Variants in TSC22D1 observed in about 807,000 individuals in gnomAD.
TSC22D1 encodes TSC22 domain family member 1.
A neutral mutation model predicts 74.2 loss-of-function variants in TSC22D1; 9 were observed. The ratio of observed to expected loss-of-function variants is 0.12; its 90% CI spans 0.07 to 0.21. The LOEUF (loss-of-function observed/expected upper bound fraction) is 0.21, where lower values mean the gene tolerates loss of function less well. TSC22D1 is among the 10% of genes least tolerant of loss of function. The pLI is 1.00. For missense variants in TSC22D1, 1,427 were observed against 1,304.7 expected, an observed-to-expected ratio of 1.09 and a Z score of -1.44; for synonymous variants, 586 against 492.5, an observed-to-expected ratio of 1.19 and a Z score of -2.51.
rs1874252406 is a variant in TSC22D1, at chr13:44,433,718, A to T, written c.*908T>A. On this transcript the variant is annotated 3_prime_UTR_variant, in exon 3 of 3. Coordinates refer to ENST00000458659, the MANE Select transcript of TSC22D1 (RefSeq NM_183422.4). ...TTTTTCAAAGTATTCAACCAGCTCA[A>T]TTGAAAGACTTCAGTGAACAAGGAT... The T allele has an allele frequency of 6.5e-6, 3 of 459,088 alleles. No individual in the cohort carries two copies. 28.4% of individuals were successfully genotyped at this position (459,088 alleles called of 1,614,324 possible). A position where few individuals can be genotyped will look rare whatever the true frequency, so the allele number is the denominator to read the frequency against.
intron 1 of TSC22D1, among the ~76,000 whole-genome samples, chr13:44,462,799 A>C (rs1353779657): frequency 6.6e-6 from 1 of 152,150 alleles, no homozygotes; most frequent in African/African-American, 2.4e-5. Context: ...AAGTCATAAA[A>C]CTAGAGTACA....
At position 44,574,711 on chromosome 13, in the gene TSC22D1, G is replaced by A. The variant is rs201300327; in HGVS notation, c.1364C>T (p.Pro455Leu). ...CTCCCTTTCAGAAGTCACTTCTATCGGATTTTGCTTTACAGTCTCCACCAC... is the reference window on the plus strand; with the variant it reads ...CTCCCTTTCAGAAGTCACTTCTATCAGATTTTGCTTTACAGTCTCCACCAC... ...NKVVETVKQNPIEVTSEREST... is the reference protein window; with the variant it reads ...NKVVETVKQNLIEVTSEREST... The change falls in exon 1 of 3, where the codon CCG (proline) becomes CTG (leucine). Residue 455 changes from proline to leucine, a missense_variant. This residue lies in a region of TSC22D1 where 1,343 missense variants were observed against 1,191.5 expected (regional missense o/e 1.13). Coordinates refer to ENST00000458659, the MANE Select transcript of TSC22D1 (RefSeq NM_183422.4). 59 of 1,614,024 alleles carry A rather than the reference G, an allele frequency of 3.7e-5. No homozygotes were observed. The East Asian group carries it at 9.6e-4, about 26-fold the overall frequency.
rs942484033 is a variant in TSC22D1 at position 44,541,041 on chromosome 13, G to A, written c.2912+32122C>T. On this transcript the variant is annotated intron_variant, in intron 1 of 2. Transcript: ENST00000458659. ...TTTTGGGATAAAGTTTTTATGAAATGCTATCAAGTAATCTCCCTCTCATAC... is the reference window on the plus strand; with the variant it reads ...TTTTGGGATAAAGTTTTTATGAAATACTATCAAGTAATCTCCCTCTCATAC... Among the ~76,000 whole-genome samples the A allele has an allele frequency of 2.9e-4, 44 of 152,276 alleles. 1 individual carries two copies. Among genetic ancestry groups the A allele is most frequent in the African/African-American group, 1.1e-3 (44 of 41,570 alleles).
At chr13:44,435,979 C>T in intron 2 of TSC22D1, 65 bp downstream of exon 2, 1 of 1,498,186 alleles carries the variant, frequency 6.7e-7, no homozygotes. Context: ...GCACTGGTTC[C>T]ACAAAACATC....
intron 1 of TSC22D1, among the ~76,000 whole-genome samples, chr13:44,447,451 T>G (rs1875773058): frequency 6.6e-6 from 1 of 152,198 alleles, no homozygotes; most frequent in African/African-American, 2.4e-5. Context: ...TTACTAGGCT[T>G]GAATTTTTTA....
chr13:44,446,727 C>G lies in TSC22D1; in HGVS notation c.2913-10632G>C, dbSNP rs1875670673. Among the ~76,000 whole-genome samples, 4 of 132,300 alleles carry G rather than the reference C, an allele frequency of 3.0e-5. No individual in the cohort carries two copies. The South Asian group carries it at 9.5e-4, about 31-fold the overall frequency. The allele number at this position is 132,300 out of a possible 152,430, so 86.8% of individuals were successfully genotyped here. A position where few individuals can be genotyped will look rare whatever the true frequency, so the allele number is the denominator to read the frequency against. ...TGAAAAGATGACTGCCCCTAAATAG[C>G]AGACTGGGAAGAATGAAAAAAAAAA... On this transcript the variant is annotated intron_variant, in intron 1 of 2. Transcript: ENST00000458659.
chr13:44,541,928 ATTAT>A (rs1472758529), intron 1 of TSC22D1, among the ~76,000 whole-genome samples: 2 of 152,144 alleles, frequency 1.3e-5, no homozygotes, highest in Non-Finnish European at 2.9e-5. Flanking sequence ...TGCTTTAAAA[ATTAT>A]TTATTAAACA....
At chr13:44,539,041 C>T (rs1881311778) in intron 1 of TSC22D1, 1 of 985,320 alleles carries the variant, frequency 1.0e-6, no homozygotes, top group Non-Finnish European at 1.2e-6. Flanking sequence ...GAATCAAATC[C>T]TACCCTTGGC....
At chr13:44,504,823 T>C (rs1419257864) in intron 1 of TSC22D1, among the ~76,000 whole-genome samples, 1 of 152,200 alleles carries the variant, frequency 6.6e-6, no homozygotes, top group Non-Finnish European at 1.5e-5. Flanking sequence ...GGACATCTCT[T>C]ATTTAATTCT....
intron 1 of TSC22D1, among the ~76,000 whole-genome samples, chr13:44,517,073 C>A (rs1021728763): frequency 5.3e-5 from 8 of 152,162 alleles, no homozygotes; most frequent in African/African-American, 1.4e-4. Flanking sequence ...AAGGTTTACA[C>A]AGAGATATAC....
chr13:44,508,825 G>C (rs1465775720), intron 1 of TSC22D1, among the ~76,000 whole-genome samples: 2 of 152,026 alleles, frequency 1.3e-5, no homozygotes, highest in Non-Finnish European at 2.9e-5. Context: ...TTCCACAGCA[G>C]AGCCTTTGTA....
chr13:44,454,379 A>ACTTCC (rs1321158391), intron 1 of TSC22D1, among the ~76,000 whole-genome samples: 24 of 152,166 alleles, frequency 1.6e-4, no homozygotes, highest in Non-Finnish European at 2.9e-4. Context: ...GTAAACATAT[A>ACTTCC]TAACAACATC....
chr13:44,557,326 T>C (rs1446618385), intron 1 of TSC22D1, among the ~76,000 whole-genome samples: 1 of 152,040 alleles, frequency 6.6e-6, no homozygotes, highest in African/African-American at 2.4e-5. Context: ...CTGGGCATGG[T>C]GGTGCACACC....
intron 1 of TSC22D1, among the ~76,000 whole-genome samples, chr13:44,460,225 G>T (rs1315179975): frequency 1.3e-5 from 2 of 152,190 alleles, no homozygotes; most frequent in African/African-American, 2.4e-5. Context: ...CATAATTGGG[G>T]TTAATCAAAA....
At chr13:44,453,017 A>G (rs1876275169) in intron 1 of TSC22D1, among the ~76,000 whole-genome samples, 1 of 152,236 alleles carries the variant, frequency 6.6e-6, no homozygotes, top group African/African-American at 2.4e-5. Flanking sequence ...ACAGTCTCAC[A>G]GATTGAAAAA....
chr13:44,532,651 T>C (rs1880915257), intron 1 of TSC22D1, among the ~76,000 whole-genome samples: 2 of 151,998 alleles, frequency 1.3e-5, no homozygotes, highest in Admixed American at 1.3e-4. Context: ...TTTTTTAATA[T>C]TTTTAGTACA....
intron 1 of TSC22D1, among the ~76,000 whole-genome samples, chr13:44,569,038 G>A (rs1883568744): frequency 6.6e-6 from 1 of 152,084 alleles, no homozygotes; most frequent in African/African-American, 2.4e-5. Context: ...TTCTATCCAG[G>A]AAGTTAATAC....
rs376724018 is a variant in TSC22D1 at position 44,436,095 on chromosome 13, G to A, written c.2913C>T (p.Ser971=). The change falls in exon 2 of 3, where the codon AGC becomes AGT. Residue 971 remains serine (S), a splice_region_variant and synonymous_variant. Transcript: ENST00000458659. ...TAGCTACCACACTTGCACCAGAGGA[G>A]CTGAAAAAGAGGAGGGAAAAAGGTC... ...TTPLVDGEDE[S]SSGASVVAID... 2 of 1,610,862 alleles carry A rather than the reference G, an allele frequency of 1.2e-6. No homozygotes were observed. The highest frequency in any genetic ancestry group is 2.7e-5 in the African/African-American group (2 of 74,624).
At chr13:44,505,355 AC>A (rs1879399845) in intron 1 of TSC22D1, among the ~76,000 whole-genome samples, 1 of 152,132 alleles carries the variant, frequency 6.6e-6, no homozygotes, top group Non-Finnish European at 1.5e-5. Flanking sequence ...GGAGTTCGAG[AC>A]CAGACTTAGC....
Sources: allele counts gnomAD v4.1 joint callset (sites outside exome capture counted in the v4.1 genomes callset), GRCh38; gene constraint gnomAD v4.1.1; regional missense constraint gnomAD v4.1.1; transcripts MANE v1.5; gene names NCBI Gene and HGNC (gene_info 2026-07-23, HGNC 2026-07-21).